ZNF324B: variants seen among roughly 807,000 people sequenced by gnomAD.
ZNF324B encodes the protein zinc finger protein 324B.
In ZNF324B, 7 loss-of-function variants were observed where a neutral mutation model predicts 10.6. The observed-to-expected ratio is 0.66, with a 90% CI of 0.38 to 1.24. ZNF324B has a LOEUF of 1.24. Ranked by LOEUF, ZNF324B falls within the 50% of genes most tolerant of loss-of-function variation. The pLI, the probability that ZNF324B is intolerant of heterozygous loss-of-function variation, is 0.02. For synonymous variants in ZNF324B, 316 were observed against 321.0 expected, an observed-to-expected ratio of 0.98 and a Z score of 0.17; for missense variants, 640 against 764.7, an observed-to-expected ratio of 0.84 and a Z score of 1.92.
chr19:58,423,750 G>T, the ZNF324B span, among the ~76,000 whole-genome samples: 5 of 152,068 alleles, frequency 3.3e-5, no homozygotes, highest in Non-Finnish European at 7.4e-5. Flanking sequence ...TGGAGACCCA[G>T]AAATAAATCC....
At chr19:58,441,994 G>T in the ZNF324B span, 1 of 152,284 alleles carries the variant, frequency 6.6e-6, no homozygotes, top group South Asian at 2.1e-4. Context: ...CCCTACACAT[G>T]AAATCTAGGT....
upstream of ZNF324B, among the ~76,000 whole-genome samples, chr19:58,447,797 C>T (rs1156806163): frequency 2.0e-5 from 3 of 152,184 alleles, no homozygotes; most frequent in African/African-American, 4.8e-5. Flanking sequence ...AATTCCCACA[C>T]GTTGTGGGAG....
At chr19:58,427,369 T>TCTCTTTCCTTC in the ZNF324B span, among the ~76,000 whole-genome samples, 12 of 42,224 alleles carry the variant, frequency 2.8e-4, no homozygotes, top group African/African-American at 9.5e-4. Flanking sequence ...TTTCTTTCTT[T>TCTCTTTCCTTC]CTTTCTTTCT....
At chr19:58,431,017 G>A in the ZNF324B span, 1 of 152,324 alleles carries the variant, frequency 6.6e-6, no homozygotes, top group East Asian at 1.9e-4. Context: ...CTGGAAGGGG[G>A]TAGTTACCCT....
the ZNF324B span, among the ~76,000 whole-genome samples, chr19:58,424,805 T>TAAAAAC: frequency 6.6e-6 from 1 of 151,288 alleles, no homozygotes; most frequent in Non-Finnish European, 1.5e-5. Context: ...TGTCTCAAAA[T>TAAAAAC]AAAAACAAAA....
the ZNF324B span, chr19:58,442,905 G>A: frequency 2.6e-5 from 4 of 152,300 alleles, no homozygotes; most frequent in African/African-American, 9.6e-5. Flanking sequence ...CTACAGCATG[G>A]AAGAGGACCC....
At chr19:58,420,261 AC>A in the ZNF324B span, among the ~76,000 whole-genome samples, 1 of 152,148 alleles carries the variant, frequency 6.6e-6, no homozygotes, top group East Asian at 1.9e-4. Context: ...TACTAAAAAT[AC>A]AAAAAAATTA....
chr19:58,446,595 T>TTTTATTGGG, the ZNF324B span, among the ~76,000 whole-genome samples: 1 of 147,282 alleles, frequency 6.8e-6, no homozygotes, highest in Admixed American at 6.8e-5. Flanking sequence ...TTTTTTTTTT[T>TTTTATTGGG]GAGATGGAGT....
the ZNF324B span, among the ~76,000 whole-genome samples, chr19:58,425,615 C>T: frequency 2.8e-4 from 43 of 151,920 alleles, no homozygotes; most frequent in African/African-American, 8.2e-4. Flanking sequence ...GGATTACAGC[C>T]GCCACCACCA....
the ZNF324B span, chr19:58,434,994 G>A: frequency 6.2e-7 from 1 of 1,614,178 alleles, no homozygotes. Flanking sequence ...TCAACCAAAA[G>A]TCTCTCCCAC....
the ZNF324B span, chr19:58,434,838 C>T: frequency 6.2e-7 from 1 of 1,614,196 alleles, no homozygotes; most frequent in Non-Finnish European, 8.5e-7. Context: ...CACAGCTGCC[C>T]AGGATGACCT....
the ZNF324B span, among the ~76,000 whole-genome samples, chr19:58,421,558 T>G: frequency 9.2e-5 from 14 of 152,216 alleles, no homozygotes; most frequent in Non-Finnish European, 1.8e-4. Context: ...TTTTTGTATT[T>G]TTAGTAGAGA....
the ZNF324B span, among the ~76,000 whole-genome samples, chr19:58,427,363 T>C: frequency 5.3e-4 from 26 of 49,240 alleles, no homozygotes; most frequent in South Asian, 2.9e-3. Context: ...TCTTTCTTTC[T>C]TTCTTTCTTT....
the ZNF324B span, among the ~76,000 whole-genome samples, chr19:58,424,488 C>G: frequency 1.3e-5 from 2 of 152,132 alleles, no homozygotes; most frequent in African/African-American, 4.8e-5. Context: ...AGTTGTTCAA[C>G]GTCACTAGTC....
chr19:58,453,247 G>GTCT, intron 1 of ZNF324B: 1 of 222,992 alleles, frequency 4.5e-6, no homozygotes, highest in Non-Finnish European at 9.0e-6. Flanking sequence ...CAGGCTGGAT[G>GTCT]AGCAGCCTGG....
chr19:58,449,272 A>C (rs1173519195), upstream of ZNF324B, among the ~76,000 whole-genome samples: 6 of 152,242 alleles, frequency 3.9e-5, no homozygotes, highest in Admixed American at 3.9e-4. Flanking sequence ...ATGTATGGAA[A>C]TGCCCAGATT....
At chr19:58,452,954 C>G in intron 1 of ZNF324B, among the ~76,000 whole-genome samples, 1 of 151,870 alleles carries the variant, frequency 6.6e-6, no homozygotes, top group East Asian at 1.9e-4. Context: ...AAAAAATTAG[C>G]CAGGTGTGGT....
chr19:58,427,152 C>A, the ZNF324B span, among the ~76,000 whole-genome samples: 1 of 151,100 alleles, frequency 6.6e-6, no homozygotes, highest in African/African-American at 2.4e-5. Context: ...TTTTTTGAGA[C>A]GGAGTTTCAC....
rs117582968 is a variant in ZNF324B, at chr19:58,456,258, C to T, written c.1314C>T (p.Ser438=). The T allele has an allele frequency of 2.6e-3, 4,247 of 1,613,176 alleles. 12 individuals carry two copies. Among genetic ancestry groups the T allele is most frequent in the Middle Eastern group, 4.3e-3 (26 of 6,062 alleles). Residue 438 remains serine (S), a synonymous_variant, in exon 4 of 4, where the codon TCC becomes TCT. Coordinates refer to ENST00000336614, the MANE Select transcript of ZNF324B (RefSeq NM_207395.3). This position sits in a 1 kb window ranked among gnomAD's most constrained non-coding sequence, Gnocchi z 4.7. Reference sequence around the variant, plus strand: ...GCGGCCGCTCCTTTAGCCGCAGCTCCAACCTCACCCAGCACCAGCTCCTGC... The same window carrying T: ...GCGGCCGCTCCTTTAGCCGCAGCTCTAACCTCACCCAGCACCAGCTCCTGC... The part of the protein sequence containing the change: ...AQCGRSFSRS[S]NLTQHQLLHT...
Sources: allele counts gnomAD v4.1 joint callset (sites outside exome capture counted in the v4.1 genomes callset), GRCh38; gene constraint gnomAD v4.1.1; non-coding constraint Gnocchi (gnomAD v3.1); transcripts MANE v1.5; gene names NCBI Gene and HGNC (gene_info 2026-07-23, HGNC 2026-07-21).